The following DNAH14 variants were observed in gnomAD, a reference collection of about 807,000 sequenced individuals.
DNAH14 encodes dynein axonemal heavy chain 14, also known as axonemal beta dynein heavy chain 14.
DNAH14 carries 478 observed loss-of-function variants against 520.9 expected under a neutral mutation model. The observed-to-expected ratio is 0.92, with a 90% CI of 0.85 to 0.99. DNAH14 has a LOEUF of 0.99. Among genes scored for constraint, DNAH14 ranks in the 50% least tolerant of loss-of-function variants. DNAH14 has a pLI of 0.00. For missense variants in DNAH14, 4,831 were observed against 5,234.5 expected (o/e 0.92, Z 2.38); for synonymous variants, 1,581 against 1,757.2 (o/e 0.90, Z 2.51).
At chr1:224,979,517 A>G (rs1241022934) in intron 8 of DNAH14, among the ~76,000 whole-genome samples, 1 of 152,194 alleles carries the variant, frequency 6.6e-6, no homozygotes, top group African/African-American at 2.4e-5. Flanking sequence ...ACTGCAGACT[A>G]AAGAGCTATG....
chr1:225,221,699 A>G (rs930259409), intron 41 of DNAH14, among the ~76,000 whole-genome samples: 6 of 152,152 alleles, frequency 3.9e-5, no homozygotes, highest in African/African-American at 1.2e-4. Flanking sequence ...AATTATAAGG[A>G]AAGATGCAAA....
At chr1:225,125,070 G>A (rs762372650) in intron 27 of DNAH14, among the ~76,000 whole-genome samples, 1 of 152,090 alleles carries the variant, frequency 6.6e-6, no homozygotes, top group Non-Finnish European at 1.5e-5. Context: ...TCCCAACAGT[G>A]GGCTTAAAAT....
chr1:225,303,013 AG>A, intron 56 of DNAH14, 142 bp from the exon 57 acceptor site: 2 of 615,428 alleles, frequency 3.2e-6, no homozygotes, highest in Non-Finnish European at 5.2e-6. Context: ...TGTTTATGGC[AG>A]GCACTCCATG....
intron 15 of DNAH14, among the ~76,000 whole-genome samples, chr1:225,047,644 T>C (rs1359973698): frequency 6.6e-6 from 1 of 152,236 alleles, no homozygotes; most frequent in Non-Finnish European, 1.5e-5. Context: ...AATATATCCC[T>C]GTCATTAATT....
At chr1:224,989,865 G>T (rs79981611) in intron 8 of DNAH14, among the ~76,000 whole-genome samples, 8,373 of 152,064 alleles carry the variant, frequency 0.055, 470 homozygotes, top group East Asian at 0.24. Context: ...AAAGTACATT[G>T]ATAGATTTTT....
chr1:225,261,325 G>C (rs1005879455), intron 46 of DNAH14, among the ~76,000 whole-genome samples: 5 of 152,060 alleles, frequency 3.3e-5, no homozygotes, highest in Non-Finnish European at 7.4e-5. Context: ...CTATACCTAA[G>C]TTGTTGAGAA....
At chr1:224,939,142 G>C (rs1442814577) in intron 1 of DNAH14, among the ~76,000 whole-genome samples, 1 of 152,156 alleles carries the variant, frequency 6.6e-6, no homozygotes, top group African/African-American at 2.4e-5. Flanking sequence ...TTAAAAAAGA[G>C]AAATAACAAT....
chr1:225,257,977 A>T lies in DNAH14; in HGVS notation c.6883A>T (p.Asn2295Tyr). 1.9e-6 allele frequency: 3 copies of T among 1,549,540 alleles called. No homozygotes were observed. The highest frequency in any genetic ancestry group is 2.6e-6 in the Non-Finnish European group (3 of 1,146,206). The change falls in exon 45 of 86, where the codon AAT (asparagine) becomes TAT (tyrosine). Residue 2295 changes from asparagine (N) to tyrosine (Y), a missense_variant. Asn to Tyr is a moderately radical substitution (Grantham distance 143). Transcript: ENST00000682510. Reference protein sequence around the residue: ...LIQRGTSLLTNLQRSGGNFLK... With the variant: ...LIQRGTSLLTYLQRSGGNFLK... ...TAACTTAGGAACTTCATTACTAACT[A>T]ATCTTCAAAGATCTGGCGGAAACTT...
In DNAH14 at chr1:225,273,104, G is replaced by C. The variant is rs1453402354; in HGVS notation, c.7989G>C (p.Arg2663Ser). 1 of 1,549,372 alleles carries C rather than the reference G, an allele frequency of 6.5e-7. No homozygotes were observed. The highest frequency in any genetic ancestry group is 2.0e-5 in the Admixed American group (1 of 50,352). Residue 2663 changes from arginine to serine, a missense_variant, in exon 52 of 86, where the codon AGG becomes AGC. Physicochemically the swap from Arg to Ser is moderately radical, Grantham distance 110. Coordinates refer to ENST00000682510, the MANE Select transcript of DNAH14 (RefSeq NM_001367479.1). ...GCCTTTTCTATCGGTTGCTTTCAAG[G>C]GAACTTGAGAACTGTTTTCAGGTAA... Reference protein sequence around the residue: ...DKSLFYRLLSRELENCFQIQW... With the variant: ...DKSLFYRLLSSELENCFQIQW...
At chr1:225,276,243 G>T (rs2093465990) in intron 53 of DNAH14, among the ~76,000 whole-genome samples, 162 bp downstream of exon 53, 2 of 152,032 alleles carry the variant, frequency 1.3e-5, no homozygotes, top group African/African-American at 4.8e-5. Flanking sequence ...GAGAGGGAGA[G>T]ATCAGGGGAA....
Position 225,206,844 on chromosome 1 carries a change from T to C in DNAH14, c.6187-124T>C, listed in dbSNP as rs564387564. 3 of 870,438 alleles carry C rather than the reference T, an allele frequency of 3.4e-6. No homozygotes were observed. The East Asian group carries it at 8.9e-5, about 26-fold the overall frequency. The allele number at this position is 870,438 out of a possible 1,614,324, so 53.9% of individuals were successfully genotyped here. On this transcript the variant is annotated intron_variant, in intron 40 of 85. Coordinates refer to ENST00000682510, the MANE Select transcript of DNAH14 (RefSeq NM_001367479.1). Reference sequence around the variant, plus strand: ...GCTACTTTGATCATTTGCCCTTTAATGAATGACAATTCTAAGTCATATTTA... The same window carrying C: ...GCTACTTTGATCATTTGCCCTTTAACGAATGACAATTCTAAGTCATATTTA...
rs372416770 is a variant in DNAH14 at position 225,294,025 on chromosome 1, G to T, written c.8469+3943G>T. On this transcript the variant is annotated intron_variant, in intron 55 of 85. Transcript: ENST00000682510. ...CATTATTTTCTTGTTTTAGCTCTCAGAGGAAAAGCTTTGAGCTTTTCCCTA... is the reference window on the plus strand; with the variant it reads ...CATTATTTTCTTGTTTTAGCTCTCATAGGAAAAGCTTTGAGCTTTTCCCTA... 8.5e-5 allele frequency among the ~76,000 whole-genome samples: 13 copies of T among 152,198 alleles called. 1 individual carries two copies. In the South Asian group the frequency reaches 2.3e-3, roughly 27 times the overall value.
At chr1:225,216,256 A>G (rs914628368) in intron 41 of DNAH14, among the ~76,000 whole-genome samples, 14 of 152,108 alleles carry the variant, frequency 9.2e-5, no homozygotes, top group African/African-American at 3.1e-4. Context: ...AGTTTCTGCC[A>G]AGAGATCCAC....
intron 67 of DNAH14, 47 bp from the exon 68 acceptor site, chr1:225,338,014 T>G (rs2095096577): frequency 6.8e-7 from 1 of 1,476,114 alleles, no homozygotes; most frequent in Non-Finnish European, 9.0e-7. Context: ...TTTCAACCAA[T>G]TTGTTTTAAG....
chr1:225,216,506 A>C (rs1430392481), intron 41 of DNAH14, among the ~76,000 whole-genome samples: 1 of 152,102 alleles, frequency 6.6e-6, no homozygotes, highest in Non-Finnish European at 1.5e-5. Flanking sequence ...CCTTGGTTCC[A>C]TTCTCCCAGT....
chr1:225,070,848 A>G (rs1342096407), intron 17 of DNAH14, among the ~76,000 whole-genome samples: 3 of 152,118 alleles, frequency 2.0e-5, no homozygotes, highest in African/African-American at 7.2e-5. Context: ...AACTTTCTTT[A>G]TAAATCTAGG....
At chr1:225,397,641 G>A (rs891320531) in intron 84 of DNAH14, 17 of 152,310 alleles carry the variant, frequency 1.1e-4, no homozygotes, top group Non-Finnish European at 7.3e-5. Context: ...ACCTGGAATT[G>A]GAGCTGCAGG....
At chr1:225,270,622 C>A (rs749672220) in intron 49 of DNAH14, 113 bp from the exon 50 acceptor site, 52 of 894,766 alleles carry the variant, frequency 5.8e-5, no homozygotes, top group Non-Finnish European at 7.5e-5. Flanking sequence ...GTAATTAAAT[C>A]TTTTTGTCTA....
At chr1:225,097,279 C>T in intron 22 of DNAH14, 40 bp downstream of exon 22, 1 of 1,474,016 alleles carries the variant, frequency 6.8e-7, no homozygotes, top group Non-Finnish European at 9.1e-7. Context: ...GTTCAAAATG[C>T]ATTGTGAGTA....
Sources: gnomAD v4.1 joint callset for allele counts (sites outside exome capture counted in the v4.1 genomes callset) on GRCh38, gnomAD v4.1.1 for gene constraint, MANE v1.5 for transcripts, NCBI Gene and HGNC (gene_info 2026-07-23, HGNC 2026-07-21) for gene names.